DGKG: variants seen among roughly 807,000 people sequenced by gnomAD.
DGKG encodes the protein diacylglycerol kinase gamma.
A neutral mutation model predicts 105.3 loss-of-function variants in DGKG; 78 were observed. That is an observed-to-expected ratio of 0.74 (90% CI 0.62 to 0.89). The LOEUF is 0.89. Among genes scored for constraint, DGKG ranks in the 40% least tolerant of loss-of-function variants. DGKG has a pLI of 0.00. For missense variants in DGKG, 958 were observed against 1,020.1 expected (o/e 0.94, Z 0.83); for synonymous variants, 346 against 367.1 (o/e 0.94, Z 0.66).
chr3:186,294,587 C>T (rs557671954), intron 5 of DGKG, among the ~76,000 whole-genome samples: 1 of 150,696 alleles, frequency 6.6e-6, no homozygotes. Flanking sequence ...GGGCAGGATG[C>T]TTTTTACCAC....
intron 1 of DGKG, among the ~76,000 whole-genome samples, chr3:186,336,824 C>T (rs925782222): frequency 1.3e-5 from 2 of 152,052 alleles, no homozygotes; most frequent in African/African-American, 4.8e-5. Flanking sequence ...ATAACTATAA[C>T]GTAAGAGATT....
intron 21 of DGKG, among the ~76,000 whole-genome samples, chr3:186,191,108 G>A (rs906176593): frequency 6.6e-6 from 1 of 152,220 alleles, no homozygotes; most frequent in Non-Finnish European, 1.5e-5. Flanking sequence ...TATTAGTGGT[G>A]GAGCTAGATA....
At chr3:186,228,616 G>A (rs907812813) in intron 20 of DGKG, among the ~76,000 whole-genome samples, 3 of 151,974 alleles carry the variant, frequency 2.0e-5, no homozygotes, top group African/African-American at 4.8e-5. Flanking sequence ...CGGCCTCTCC[G>A]CTCATGTCCA....
At chr3:186,158,512 G>A in intron 24 of DGKG, 5 of 966,426 alleles carry the variant, frequency 5.2e-6, no homozygotes, top group Non-Finnish European at 6.2e-6. Context: ...ATTACTTTGT[G>A]GTCAAAGAAA....
In DGKG at chr3:186,197,282, G is replaced by A. The variant is rs188846841; in HGVS notation, c.1918-8903C>T. Among the ~76,000 whole-genome samples, 231 of 152,274 alleles carry A rather than the reference G, an allele frequency of 1.5e-3. 2 individuals carry two copies. Among genetic ancestry groups the A allele is most frequent in the African/African-American group, 5.5e-3 (227 of 41,556 alleles). Reference sequence around the variant, plus strand: ...GACAATATCCTGACACACTTGAATAGGGGTTCTGATGGGCTGAGAGGGGCA... The same window carrying A: ...GACAATATCCTGACACACTTGAATAAGGGTTCTGATGGGCTGAGAGGGGCA... On this transcript the variant is annotated intron_variant, in intron 21 of 24. Transcript: ENST00000265022.
chr3:186,321,362 T>C (rs1056749528), intron 1 of DGKG, among the ~76,000 whole-genome samples: 1 of 152,182 alleles, frequency 6.6e-6, no homozygotes, highest in Non-Finnish European at 1.5e-5. Context: ...TGAAATGGAA[T>C]AGGGTAGAAT....
chr3:186,284,081 G>T lies in DGKG; in HGVS notation c.594+579C>A, dbSNP rs538718474. On this transcript the variant is annotated intron_variant, in intron 7 of 24. Coordinates refer to ENST00000265022, the MANE Select transcript of DGKG (RefSeq NM_001346.3). The surrounding 1 kb of genome is among the most constrained non-coding windows in gnomAD (Gnocchi z 4.0). Reference sequence around the variant, plus strand: ...CTGAAGGGGTGAGGGTGAGTCTCAGGCTTTCTCAGGTGCAATGGGATGGGA... The same window carrying T: ...CTGAAGGGGTGAGGGTGAGTCTCAGTCTTTCTCAGGTGCAATGGGATGGGA... 6.6e-6 allele frequency among the ~76,000 whole-genome samples: 1 copy of T among 152,144 alleles called. No homozygotes were observed.
chr3:186,244,760 C>T (rs1720857930), intron 19 of DGKG, among the ~76,000 whole-genome samples: 1 of 152,006 alleles, frequency 6.6e-6, no homozygotes, highest in Admixed American at 6.6e-5. Context: ...GGAGAGGCAC[C>T]CCCATGGGTG....
Position 186,284,115 on chromosome 3 carries a change from T to C in DGKG, c.594+545A>G, listed in dbSNP as rs1467590349. On this transcript the variant is annotated intron_variant, in intron 7 of 24. Transcript: ENST00000265022. The surrounding 1 kb of genome is among the most constrained non-coding windows in gnomAD (Gnocchi z 4.0). ...GGTGCAATGGGATGGGAACATGTAC[T>C]TAGAGCAGACAGAACCAGACTCCTA... is the stretch of plus-strand genomic sequence containing the variant. 6.6e-6 allele frequency among the ~76,000 whole-genome samples: 1 copy of C among 152,150 alleles called. No individual in the cohort carries two copies. The highest frequency in any genetic ancestry group is 2.4e-5 in the African/African-American group (1 of 41,450).
At chr3:186,237,357 A>AC (rs1458778936) in intron 20 of DGKG, among the ~76,000 whole-genome samples, 1 of 152,154 alleles carries the variant, frequency 6.6e-6, no homozygotes, top group African/African-American at 2.4e-5. Flanking sequence ...AAGGGGCCTC[A>AC]CATTTTTAAT....
chr3:186,340,848 A>G (rs931112905), intron 1 of DGKG, among the ~76,000 whole-genome samples: 2 of 152,156 alleles, frequency 1.3e-5, no homozygotes, highest in Non-Finnish European at 2.9e-5. Flanking sequence ...TTTGTCTTTT[A>G]TCTTTCAGCT....
rs1033389490 is a variant in DGKG, at chr3:186,361,008, C to G, written c.-249+938G>C. 1.3e-5 allele frequency among the ~76,000 whole-genome samples: 2 copies of G among 152,244 alleles called. No homozygotes were observed. Among genetic ancestry groups the G allele is most frequent in the African/African-American group, 2.4e-5 (1 of 41,460 alleles). ...ACAGCGCTCCCGGGCACCACTGCGG[C>G]GCAGCCACAGATCGCTTCGCGCTGC... is the stretch of plus-strand genomic sequence containing the variant. On this transcript the variant is annotated intron_variant, in intron 1 of 24. Transcript: ENST00000265022. The surrounding 1 kb of genome is among the most constrained non-coding windows in gnomAD (Gnocchi z 6.8).
chr3:186,268,671 T>C (rs931319652), intron 12 of DGKG, 130 bp downstream of exon 12: 1 of 651,068 alleles, frequency 1.5e-6, no homozygotes, highest in Non-Finnish European at 2.7e-6. Flanking sequence ...GAATAGGCGC[T>C]GTGGGGTCCT....
chr3:186,296,376 C>A (rs1159757607), intron 5 of DGKG, among the ~76,000 whole-genome samples: 1 of 152,236 alleles, frequency 6.6e-6, no homozygotes, highest in Non-Finnish European at 1.5e-5. Flanking sequence ...CCTTAAGCAA[C>A]ATGCTCTGTT....
At chr3:186,282,454 A>G (rs1291500796) in intron 7 of DGKG, among the ~76,000 whole-genome samples, 1 of 152,090 alleles carries the variant, frequency 6.6e-6, no homozygotes, top group Non-Finnish European at 1.5e-5. Context: ...ACTTCTTACT[A>G]CCTGCAATGA....
At chr3:186,336,492 A>T (rs1040073856) in intron 1 of DGKG, among the ~76,000 whole-genome samples, 1 of 152,192 alleles carries the variant, frequency 6.6e-6, no homozygotes, top group African/African-American at 2.4e-5. Flanking sequence ...TTTCTTAGAA[A>T]ACAAGGTAGA....
At chr3:186,275,482 A>G in intron 10 of DGKG, 65 bp downstream of exon 10, 1 of 1,370,126 alleles carries the variant, frequency 7.3e-7, no homozygotes, top group Non-Finnish European at 1.0e-6. Context: ...TCTGCAATGG[A>G]TCAACCAACC....
intron 3 of DGKG, among the ~76,000 whole-genome samples, chr3:186,300,525 C>T (rs1020207318): frequency 1.3e-5 from 2 of 152,182 alleles, no homozygotes; most frequent in Non-Finnish European, 2.9e-5. Context: ...TGGTTCTCTT[C>T]ATTCTCTACT....
At chr3:186,185,885 G>A (rs1717604312) in intron 22 of DGKG, among the ~76,000 whole-genome samples, 1 of 151,576 alleles carries the variant, frequency 6.6e-6, no homozygotes, top group African/African-American at 2.4e-5. Context: ...TCACCTGAGG[G>A]CAGGAGTTTG....
Sources: gnomAD v4.1 joint callset for allele counts (sites outside exome capture counted in the v4.1 genomes callset) on GRCh38, gnomAD v4.1.1 for gene constraint, Gnocchi (gnomAD v3.1) non-coding constraint, MANE v1.5 for transcripts, NCBI Gene and HGNC (gene_info 2026-07-23, HGNC 2026-07-21) for gene names.